LAMC3: variants seen among roughly 807,000 people sequenced by gnomAD.
LAMC3 encodes laminin subunit gamma-3.
In LAMC3, 128 loss-of-function variants were observed where a neutral mutation model predicts 173.8. The ratio of observed to expected loss-of-function variants is 0.74; its 90% confidence interval spans 0.64 to 0.85. The LOEUF is 0.85. LAMC3 is among the 40% of genes least tolerant of loss of function. The pLI, the probability that LAMC3 is intolerant of heterozygous loss-of-function variation, is 0.00. For missense variants in LAMC3, 2,022 were observed against 2,156.0 expected, an observed-to-expected ratio of 0.94 and a Z score of 1.23; for synonymous variants, 897 against 909.1, an observed-to-expected ratio of 0.99 and a Z score of 0.24.
intron 1 of LAMC3, among the ~76,000 whole-genome samples, chr9:131,013,440 G>A (rs934017903): frequency 4.6e-5 from 7 of 152,128 alleles, no homozygotes; most frequent in Non-Finnish European, 8.8e-5. Flanking sequence ...CGCAGGTCCC[G>A]GATGTCCCTG....
chr9:131,083,178 G>C (rs1487291413), intron 24 of LAMC3, among the ~76,000 whole-genome samples: 2 of 152,184 alleles, frequency 1.3e-5, no homozygotes, highest in African/African-American at 4.8e-5. Context: ...CCTGGCAGTG[G>C]ACTCGCCCAC....
At position 131,052,838 on chromosome 9, in the gene LAMC3, T is replaced by C. The variant is rs758413938; in HGVS notation, c.1824-12T>C. The C allele has an allele frequency of 1.3e-6, 2 of 1,554,902 alleles. No homozygotes were observed. Among genetic ancestry groups the C allele is most frequent in the Non-Finnish European group, 1.8e-6 (2 of 1,133,446 alleles). On this transcript the variant is annotated splice_polypyrimidine_tract_variant and intron_variant, in intron 10 of 27. Coordinates refer to ENST00000361069, the MANE Select transcript of LAMC3 (RefSeq NM_006059.4). Reference sequence around the variant, plus strand: ...TATGTCGGGATCTCACTTTGACCGCTTCTCTCGCCAGCCTGCAGGAGACCT... The same window carrying C: ...TATGTCGGGATCTCACTTTGACCGCCTCTCTCGCCAGCCTGCAGGAGACCT...
chr9:131,023,450 T>A (rs1454864542), intron 1 of LAMC3, among the ~76,000 whole-genome samples: 3 of 152,196 alleles, frequency 2.0e-5, no homozygotes, highest in Non-Finnish European at 2.9e-5. Context: ...TGTTATTACC[T>A]CTGTTCATGC....
At chr9:131,063,702 C>T (rs1391114486) in intron 13 of LAMC3, among the ~76,000 whole-genome samples, 1 of 152,180 alleles carries the variant, frequency 6.6e-6, no homozygotes, top group African/African-American at 2.4e-5. Flanking sequence ...TATGAGCTGT[C>T]CTCACCTGGT....
intron 11 of LAMC3, among the ~76,000 whole-genome samples, chr9:131,054,832 G>GAGGGAGGGAGGGAGCA (rs1356443051): frequency 1.3e-4 from 19 of 149,786 alleles, no homozygotes; most frequent in African/African-American, 4.7e-4. Context: ...AAGAAGAAGG[G>GAGGGAGGGAGGGAGCA]AGGGAGGGAG....
At chr9:131,018,386 C>T (rs757642049) in intron 1 of LAMC3, among the ~76,000 whole-genome samples, 29 of 152,056 alleles carry the variant, frequency 1.9e-4, no homozygotes, top group Non-Finnish European at 2.5e-4. Flanking sequence ...CCCCCTGCCT[C>T]GGCCTCCCAA....
In LAMC3 at chr9:131,032,018, G is replaced by A. The variant is rs774979921; in HGVS notation, c.679-27G>A. On this transcript the variant is annotated intron_variant, in intron 2 of 27. Coordinates refer to ENST00000361069, the MANE Select transcript of LAMC3 (RefSeq NM_006059.4). ...AATACTAAATACTCAGGAACCTGCT[G>A]ATGGCACCCTCTCCCCTCTGCCCCA... 7 of 1,614,094 alleles carry A rather than the reference G, an allele frequency of 4.3e-6. No homozygotes were observed. In the Admixed American group the frequency reaches 1.2e-4, roughly 27 times the overall value.
intron 1 of LAMC3, among the ~76,000 whole-genome samples, chr9:131,018,721 C>G (rs982264580): frequency 1.3e-5 from 2 of 152,300 alleles, no homozygotes; most frequent in Admixed American, 1.3e-4. Flanking sequence ...GCTCATCCCA[C>G]CCGCTTACTG....
intron 13 of LAMC3, among the ~76,000 whole-genome samples, chr9:131,064,434 C>A (rs565489681): frequency 6.6e-6 from 1 of 152,020 alleles, no homozygotes; most frequent in Admixed American, 6.6e-5. Context: ...GAGGCTGAGG[C>A]GGGCAGATCA....
At chr9:131,051,679 C>T (rs1009399480) in intron 9 of LAMC3, among the ~76,000 whole-genome samples, 2 of 152,100 alleles carry the variant, frequency 1.3e-5, no homozygotes, top group South Asian at 2.1e-4. Flanking sequence ...TTTGTTCTTA[C>T]GAGGACAGTG....
chr9:131,072,826 C>A lies in LAMC3; in HGVS notation c.3408C>A (p.Leu1136=). 1.2e-6 allele frequency: 2 copies of A among 1,610,820 alleles called. No individual in the cohort carries two copies. The highest frequency in any genetic ancestry group is 1.1e-5 in the South Asian group (1 of 90,112). The part of the protein sequence containing the change: ...EEEILHAAAI[L]ASLEIPQEGP... Reference sequence around the variant, plus strand: ...AGATTCTGCATGCAGCTGCCATTCTCGCGTCTCTGGTATCCCAGGGGACCC... The same window carrying A: ...AGATTCTGCATGCAGCTGCCATTCTAGCGTCTCTGGTATCCCAGGGGACCC... Residue 1136 remains leucine (L), a synonymous_variant, in exon 19 of 28, where the codon CTC becomes CTA. Transcript: ENST00000361069.
intron 13 of LAMC3, among the ~76,000 whole-genome samples, chr9:131,063,895 G>A (rs1829877206): frequency 1.3e-5 from 2 of 151,984 alleles, no homozygotes; most frequent in African/African-American, 4.8e-5. Flanking sequence ...TTTCAGGGTT[G>A]CCCTTAGCAC....
At chr9:131,060,972 C>T in intron 12 of LAMC3, 63 bp from the exon 13 acceptor site, 2 of 1,559,196 alleles carry the variant, frequency 1.3e-6, no homozygotes, top group African/African-American at 2.7e-5. Context: ...ACCTCTCCCA[C>T]CGGGATGCCC....
chr9:131,061,275 A>C, intron 13 of LAMC3, 52 bp downstream of exon 13: 1 of 1,483,924 alleles, frequency 6.7e-7, no homozygotes, highest in Admixed American at 1.8e-5. Flanking sequence ...AAGCCCCGGC[A>C]CTGTGACTAT....
chr9:131,038,095 G>A (rs1260619231), intron 4 of LAMC3, among the ~76,000 whole-genome samples: 2 of 152,208 alleles, frequency 1.3e-5, no homozygotes, highest in Non-Finnish European at 2.9e-5. Context: ...TGTCTGCGAC[G>A]CCCTTCCCGC....
chr9:131,073,540 C>G (rs1476470794), intron 20 of LAMC3, among the ~76,000 whole-genome samples: 1 of 152,194 alleles, frequency 6.6e-6, no homozygotes, highest in Non-Finnish European at 1.5e-5. Flanking sequence ...CGTCAGAGAG[C>G]ATCTGCCGGC....
intron 25 of LAMC3, among the ~76,000 whole-genome samples, chr9:131,086,890 A>G (rs1477702594): frequency 9.8e-6 from 1 of 101,696 alleles, no homozygotes; most frequent in African/African-American, 4.2e-5. Flanking sequence ...CTCTGCCTCG[A>G]AAAAAAAAAA....
intron 16 of LAMC3, 84 bp downstream of exon 16, chr9:131,069,134 G>A (rs1829995311): frequency 6.7e-7 from 1 of 1,499,964 alleles, no homozygotes; most frequent in Non-Finnish European, 9.2e-7. Flanking sequence ...GGGAAAATGG[G>A]CGCAGCAGGA....
rs1244181824 is a variant in LAMC3 at position 131,085,535 on chromosome 9, C to A, written c.4042C>A (p.Gln1348Lys). The A allele has an allele frequency of 3.1e-6, 5 of 1,613,832 alleles. No homozygotes were observed. The highest frequency in any genetic ancestry group is 3.4e-6 in the Non-Finnish European group (4 of 1,180,032). Reference sequence around the variant, plus strand: ...AGCCGGGTTTGCAGGAATGAAGCTGCAGTTTCCCCGGCCCAAGGACCAGGC... The same window carrying A: ...AGCCGGGTTTGCAGGAATGAAGCTGAAGTTTCCCCGGCCCAAGGACCAGGC... ...LLADLEGMKL[Q>K]FPRPKDQAAL... The change falls in exon 25 of 28, where the codon CAG becomes AAG. Residue 1348 changes from glutamine to lysine, a missense_variant. Physicochemically the swap from Gln to Lys is moderately conservative, Grantham distance 53 (BLOSUM62 1). Coordinates refer to ENST00000361069, the MANE Select transcript of LAMC3 (RefSeq NM_006059.4).
Sources: gnomAD v4.1 joint callset for allele counts (sites outside exome capture counted in the v4.1 genomes callset) on GRCh38, gnomAD v4.1.1 for gene constraint, MANE v1.5 for transcripts, NCBI Gene and HGNC (gene_info 2026-07-23, HGNC 2026-07-21) for gene names.